The following BSND variants were observed in gnomAD, a reference collection of about 807,000 sequenced individuals.
BSND encodes the protein barttin CLCNK type accessory subunit beta.
In BSND, 13 loss-of-function variants were observed where a neutral mutation model predicts 18.8. The observed-to-expected ratio is 0.69, with a 90% CI of 0.45 to 1.10. The LOEUF is 1.10. BSND is among the 50% of genes least tolerant of loss of function. BSND has a pLI of 0.00. For missense variants in BSND, 379 were observed against 416.7 expected, an observed-to-expected ratio of 0.91 and a Z score of 0.79; for synonymous variants, 170 against 161.8, an observed-to-expected ratio of 1.05 and a Z score of -0.39.
At chr1:55,002,609 G>T (rs953119524) in intron 1 of BSND, among the ~76,000 whole-genome samples, 27 of 152,182 alleles carry the variant, frequency 1.8e-4, no homozygotes, top group Non-Finnish European at 2.9e-4. Flanking sequence ...TTGGTGTTCT[G>T]GTGGTCTCCA....
rs142722526 is a variant in BSND at position 55,015,927 on chromosome 1, TG to T, written c.*7302del. Among the ~76,000 whole-genome samples, 399 of 152,322 alleles carry T rather than the reference TG, an allele frequency of 2.6e-3. 4 individuals carry two copies. In the East Asian group the frequency reaches 0.029, roughly 11 times the overall value. On this transcript the variant is annotated 3_prime_UTR_variant, in exon 4 of 4. Transcript: ENST00000651561. ...GGAAGAGCAGGGAGGGAGAACAGCT[TG>T]GGCGAAGCCTCCAGCCCTGAGCCAC...
chr1:55,011,588 C>A lies in BSND; in HGVS notation c.*2960C>A, dbSNP rs917990054. Reference sequence around the variant, plus strand: ...CAGTAAGGGGGAATGAACACCACAGCGAACCAGGGGGAGTCTCTGAAAGAG... The same window carrying A: ...CAGTAAGGGGGAATGAACACCACAGAGAACCAGGGGGAGTCTCTGAAAGAG... On this transcript the variant is annotated 3_prime_UTR_variant, in exon 4 of 4. Coordinates refer to ENST00000651561, the MANE Select transcript of BSND (RefSeq NM_057176.3). 6.6e-6 allele frequency: 1 copy of A among 152,140 alleles called. No homozygotes were observed. Among genetic ancestry groups the A allele is most frequent in the Non-Finnish European group, 1.5e-5 (1 of 68,048 alleles). 9.4% of individuals were successfully genotyped at this position (152,140 alleles called of 1,614,324 possible). A position where few individuals can be genotyped will look rare whatever the true frequency, so the allele number is the denominator to read the frequency against.
At chr1:55,003,272 G>A (rs1172976382) in intron 1 of BSND, among the ~76,000 whole-genome samples, 1 of 152,116 alleles carries the variant, frequency 6.6e-6, no homozygotes, top group African/African-American at 2.4e-5. Flanking sequence ...CTAGGCTGGA[G>A]TGCAGAGGTG....
chr1:55,006,087 C>T (rs558646288), intron 2 of BSND, among the ~76,000 whole-genome samples: 7 of 152,310 alleles, frequency 4.6e-5, no homozygotes, highest in African/African-American at 1.4e-4. Context: ...CAGAGTCTGT[C>T]GGCTGGGTTA....
chr1:55,013,556 A>G lies in BSND; in HGVS notation c.*4928A>G, dbSNP rs564383270. Among the ~76,000 whole-genome samples the G allele has an allele frequency of 1.3e-5, 2 of 152,282 alleles. No homozygotes were observed. The highest frequency in any genetic ancestry group is 4.1e-4 in the South Asian group (2 of 4,828). On this transcript the variant is annotated 3_prime_UTR_variant, in exon 4 of 4. Transcript: ENST00000651561. ...GAGCTAAATGGAGGAGAGGAGGTAGAGCTGCAGGGCTTTCTGTTCCTGCCA... is the reference window on the plus strand; with the variant it reads ...GAGCTAAATGGAGGAGAGGAGGTAGGGCTGCAGGGCTTTCTGTTCCTGCCA...
In BSND at chr1:55,015,518, C is replaced by T. The variant is rs1023555340; in HGVS notation, c.*6890C>T. 5.9e-5 allele frequency among the ~76,000 whole-genome samples: 9 copies of T among 152,308 alleles called. No individual in the cohort carries two copies. Among genetic ancestry groups the T allele is most frequent in the East Asian group, 1.9e-4 (1 of 5,186 alleles). On this transcript the variant is annotated 3_prime_UTR_variant, in exon 4 of 4. Transcript: ENST00000651561. ...TTCTGCAGATAGTCCCTGCACATCC[C>T]GGAGAAGAGCAGACACGGTGTGGTG...
Position 55,016,586 on chromosome 1 carries a change from T to TTTG in BSND, c.*7976_*7978dup, listed in dbSNP as rs751410289. The stretch of plus-strand genomic sequence containing the variant: ...GTAGGACTTGCTCATTTATTCTAGT[T>TTTG]TTGTTGTTGTTGTTGTTGTTTGTTT... On this transcript the variant is annotated 3_prime_UTR_variant, in exon 4 of 4. Coordinates refer to ENST00000651561, the MANE Select transcript of BSND (RefSeq NM_057176.3). 6.2e-5 allele frequency among the ~76,000 whole-genome samples: 8 copies of TTTG among 129,040 alleles called. No individual in the cohort carries two copies. The highest frequency in any genetic ancestry group is 7.7e-5 in the Admixed American group (1 of 13,062). 84.7% of individuals were successfully genotyped at this position (129,040 alleles called of 152,430 possible). A position where few individuals can be genotyped will look rare whatever the true frequency, so the allele number is the denominator to read the frequency against.
intron 1 of BSND, among the ~76,000 whole-genome samples, chr1:55,003,401 T>C (rs943625120): frequency 4.6e-5 from 7 of 152,116 alleles, no homozygotes; most frequent in Non-Finnish European, 1.0e-4. Flanking sequence ...TGTTATTTAA[T>C]TTTTTTATTT....
intron 1 of BSND, among the ~76,000 whole-genome samples, chr1:55,000,131 A>G (rs1029320172): frequency 2.6e-5 from 4 of 152,148 alleles, no homozygotes; most frequent in Admixed American, 2.6e-4. Flanking sequence ...CAGGGTCATT[A>G]TAAAGATCAG....
chr1:55,007,397 G>A, intron 3 of BSND, 125 bp downstream of exon 3: 1 of 1,276,214 alleles, frequency 7.8e-7, no homozygotes, highest in Non-Finnish European at 1.1e-6. Context: ...GGAGGGTGTG[G>A]GACACCCTGA....
At chr1:55,005,173 T>C (rs1644383496) in intron 2 of BSND, 57 bp downstream of exon 2, 1 of 1,520,148 alleles carries the variant, frequency 6.6e-7, no homozygotes. Flanking sequence ...CAGTCTCCCC[T>C]GACTGAGGAG....
Position 54,999,176 on chromosome 1 carries a change from G to C in BSND, c.-11G>C. On this transcript the variant is annotated 5_prime_UTR_variant, in exon 1 of 4. Transcript: ENST00000651561. Reference sequence around the variant, plus strand: ...CCGGGGGTGTGCAGGCCAGGGACTGGCCAGGCAGCCATGGCTGACGAGAAG... The same window carrying C: ...CCGGGGGTGTGCAGGCCAGGGACTGCCCAGGCAGCCATGGCTGACGAGAAG... The C allele has an allele frequency of 6.2e-7, 1 of 1,613,782 alleles. No homozygotes were observed. Among genetic ancestry groups the C allele is most frequent in the Non-Finnish European group, 8.5e-7 (1 of 1,180,022 alleles).
rs1418611664 is a variant in BSND, at chr1:55,011,501, C to T, written c.*2873C>T. On this transcript the variant is annotated 3_prime_UTR_variant, in exon 4 of 4. Transcript: ENST00000651561. ...TGATGGGACCTATCTTGTCAATGCC[C>T]TGCAGCCAAAGACCACTGGGAGCAC... 1 of 152,170 alleles carries T rather than the reference C, an allele frequency of 6.6e-6. No homozygotes were observed. Among genetic ancestry groups the T allele is most frequent in the Non-Finnish European group, 1.5e-5 (1 of 68,046 alleles). 9.4% of individuals were successfully genotyped at this position (152,170 alleles called of 1,614,324 possible).
Position 55,008,956 on chromosome 1 carries a change from C to G in BSND, c.*328C>G. 2.4e-6 allele frequency: 1 copy of G among 418,930 alleles called. No homozygotes were observed. The highest frequency in any genetic ancestry group is 2.2e-5 in the South Asian group (1 of 46,096). 26.0% of individuals were successfully genotyped at this position (418,930 alleles called of 1,614,324 possible). A position where few individuals can be genotyped will look rare whatever the true frequency, so the allele number is the denominator to read the frequency against. On this transcript the variant is annotated 3_prime_UTR_variant, in exon 4 of 4. Coordinates refer to ENST00000651561, the MANE Select transcript of BSND (RefSeq NM_057176.3). ...ACCTTCCTTGGTGCTCCCTCTGGGC[C>G]CCTGATCCTTTGTGAAGGCCAGTCA...
At position 55,015,308 on chromosome 1, in the gene BSND, C is replaced by T. The variant is rs929343340; in HGVS notation, c.*6680C>T. 5.9e-5 allele frequency among the ~76,000 whole-genome samples: 9 copies of T among 152,222 alleles called. No individual in the cohort carries two copies. Among genetic ancestry groups the T allele is most frequent in the African/African-American group, 1.9e-4 (8 of 41,450 alleles). On this transcript the variant is annotated 3_prime_UTR_variant, in exon 4 of 4. Coordinates refer to ENST00000651561, the MANE Select transcript of BSND (RefSeq NM_057176.3). ...TGCAGAGCCGGTGTCCTGGATTCCTCCTTGCTGACCACAAATCCAGCAGAG... is the reference window on the plus strand; with the variant it reads ...TGCAGAGCCGGTGTCCTGGATTCCTTCTTGCTGACCACAAATCCAGCAGAG...
intron 2 of BSND, 36 bp downstream of exon 2, chr1:55,005,152 G>A: frequency 1.3e-6 from 2 of 1,591,736 alleles, no homozygotes; most frequent in Non-Finnish European, 1.7e-6. Context: ...GGAGGAGTAA[G>A]CCCCATAGGC....
chr1:55,001,066 C>T (rs540197175), intron 1 of BSND, among the ~76,000 whole-genome samples: 3 of 152,250 alleles, frequency 2.0e-5, no homozygotes, highest in African/African-American at 7.2e-5. Context: ...CTGAAAATGG[C>T]ACATGTTGTG....
intron 1 of BSND, among the ~76,000 whole-genome samples, chr1:55,000,458 G>T (rs185518965): frequency 2.6e-5 from 4 of 151,612 alleles, no homozygotes; most frequent in African/African-American, 7.2e-5. Context: ...AGTTAGGAGG[G>T]GGGGGTGGGA....
rs74072619 is a variant in BSND, at chr1:55,012,297, C to T, written c.*3669C>T. ...TGTGTGCCTGTCACCATGCAAGACACCGTCACCCCTATTACCCTATCTAGT... is the reference window on the plus strand; with the variant it reads ...TGTGTGCCTGTCACCATGCAAGACATCGTCACCCCTATTACCCTATCTAGT... On this transcript the variant is annotated 3_prime_UTR_variant, in exon 4 of 4. Coordinates refer to ENST00000651561, the MANE Select transcript of BSND (RefSeq NM_057176.3). Among the ~76,000 whole-genome samples, 6,800 of 152,270 alleles carry T rather than the reference C, an allele frequency of 0.045. 407 individuals are homozygous for T. The highest frequency in any genetic ancestry group is 0.13 in the African/African-American group (5,528 of 41,536).
Sources: allele counts gnomAD v4.1 joint callset (sites outside exome capture counted in the v4.1 genomes callset), GRCh38; gene constraint gnomAD v4.1.1; transcripts MANE v1.5; gene names NCBI Gene and HGNC (gene_info 2026-07-23, HGNC 2026-07-21).